MLLT1: variants seen among roughly 807,000 people sequenced by gnomAD.
The protein encoded by MLLT1 is protein ENL.
A neutral mutation model predicts 55.1 loss-of-function variants in MLLT1; 11 were observed. The ratio of observed to expected loss-of-function variants is 0.20; its 90% CI spans 0.13 to 0.33. The LOEUF is 0.33. Among genes scored for constraint, MLLT1 ranks in the 10% least tolerant of loss-of-function variants. The probability of loss-of-function intolerance (pLI) is 1.00; values close to 1 mark genes in which losing one functional copy is unlikely to be tolerated. For synonymous variants in MLLT1, 323 were observed against 320.1 expected, an observed-to-expected ratio of 1.01 and a Z score of -0.10; for missense variants, 536 against 760.6, an observed-to-expected ratio of 0.70 and a Z score of 3.47.
chr19:6,212,488 A>G lies in MLLT1; in HGVS notation c.*554T>C, dbSNP rs1166424681. The G allele has an allele frequency of 3.0e-5, 32 of 1,066,866 alleles. No individual in the cohort carries two copies. The highest frequency in any genetic ancestry group is 3.3e-5 in the Non-Finnish European group (29 of 880,638). The allele number at this position is 1,066,866 out of a possible 1,614,324, so 66.1% of individuals were successfully genotyped here. ...TCTTGACCAGACAGTGCACACACAT[A>G]TATAATAGAGAGAACTATACAGCAC... On this transcript the variant is annotated 3_prime_UTR_variant, in exon 12 of 12. Transcript: ENST00000252674.
In MLLT1 at chr19:6,221,208, CCT is replaced by C. The variant is rs371159870; in HGVS notation, c.1110+911_1110+912del. ...GGGCAAGCCGGACCCACAAAAGGCC[CCT>C]GAGGGCTGGGGCTGGCAACAGAGGT... On this transcript the variant is annotated intron_variant, in intron 6 of 11. Transcript: ENST00000252674. Among the ~76,000 whole-genome samples the C allele has an allele frequency of 1.5e-3, 234 of 152,328 alleles. 2 individuals are homozygous for C. Among genetic ancestry groups the C allele is most frequent in the African/African-American group, 5.2e-3 (216 of 41,578 alleles).
Position 6,235,504 on chromosome 19 carries a change from CA to C in MLLT1, c.277-4792del, listed in dbSNP as rs2091051896. On this transcript the variant is annotated intron_variant, in intron 3 of 11. Coordinates refer to ENST00000252674, the MANE Select transcript of MLLT1 (RefSeq NM_005934.4). This position sits in a 1 kb window ranked among gnomAD's most constrained non-coding sequence, Gnocchi z 5.5. ...CTGGGGAGGCGCAGCCAGACGGTAC[CA>C]AAGCACTGGGATGCCCCAGGGACGC... Among the ~76,000 whole-genome samples, 1 of 152,208 alleles carries C rather than the reference CA, an allele frequency of 6.6e-6. No homozygotes were observed. Among genetic ancestry groups the C allele is most frequent in the South Asian group, 2.1e-4 (1 of 4,838 alleles).
intron 7 of MLLT1, among the ~76,000 whole-genome samples, chr19:6,217,716 C>T (rs1039139638): frequency 3.3e-5 from 5 of 152,186 alleles, no homozygotes; most frequent in African/African-American, 1.2e-4. Context: ...GCTCCAGGCA[C>T]GGGGTGCATG....
intron 6 of MLLT1, among the ~76,000 whole-genome samples, chr19:6,220,644 T>C (rs911158005): frequency 6.6e-6 from 1 of 152,232 alleles, no homozygotes; most frequent in Non-Finnish European, 1.5e-5. Flanking sequence ...GCCTTGCCGC[T>C]GCCCAGCGTG....
At position 6,266,096 on chromosome 19, in the gene MLLT1, T is replaced by C. The variant is rs552047214; in HGVS notation, c.194-3786A>G. 3.3e-5 allele frequency among the ~76,000 whole-genome samples: 5 copies of C among 151,918 alleles called. No homozygotes were observed. The South Asian group carries it at 6.2e-4, about 19-fold the overall frequency. ...GAGTTCAAGACCAACTTGGGCAACATGGTGAAATCCCGTCTCTGCAAAAAA... is the reference window on the plus strand; with the variant it reads ...GAGTTCAAGACCAACTTGGGCAACACGGTGAAATCCCGTCTCTGCAAAAAA... On this transcript the variant is annotated intron_variant, in intron 2 of 11. Transcript: ENST00000252674.
chr19:6,219,204 G>A lies in MLLT1; in HGVS notation c.1111-1163C>T, dbSNP rs943712871. On this transcript the variant is annotated intron_variant, in intron 6 of 11. Transcript: ENST00000252674. This position sits in a 1 kb window ranked among gnomAD's most constrained non-coding sequence, Gnocchi z 4.5. ...TCCAGACTCACCCGTGCCTGAGAGG[G>A]AAGAGGGACTTCCCAAGGGTTTACT... 6.6e-6 allele frequency among the ~76,000 whole-genome samples: 1 copy of A among 152,112 alleles called. No individual in the cohort carries two copies. The highest frequency in any genetic ancestry group is 2.4e-5 in the African/African-American group (1 of 41,414).
chr19:6,216,321 C>T (rs572927657), intron 8 of MLLT1, 84 bp downstream of exon 8: 1 of 1,023,748 alleles, frequency 9.8e-7, no homozygotes, highest in Admixed American at 2.1e-5. Context: ...CCCAACCCCA[C>T]CTGCAGCCCC....
intron 3 of MLLT1, among the ~76,000 whole-genome samples, chr19:6,236,787 CCT>C (rs1186400180): frequency 3.9e-5 from 6 of 152,210 alleles, no homozygotes; most frequent in African/African-American, 1.4e-4. Context: ...CCTTCATGCC[CCT>C]GAGGCCTGGC....
At chr19:6,239,807 C>T (rs942941072) in intron 3 of MLLT1, among the ~76,000 whole-genome samples, 12 of 152,334 alleles carry the variant, frequency 7.9e-5, no homozygotes, top group African/African-American at 2.6e-4. Flanking sequence ...TACACACTCA[C>T]ATGCACACTC....
Position 6,270,095 on chromosome 19 carries a change from C to T in MLLT1, c.193+484G>A, listed in dbSNP as rs1342764844. ...CCCACGCCACAGGTGGAGACGCTGA[C>T]AGAATACACGACTGAGGCACTCGTG... On this transcript the variant is annotated intron_variant, in intron 2 of 11. Coordinates refer to ENST00000252674, the MANE Select transcript of MLLT1 (RefSeq NM_005934.4). This position sits in a 1 kb window ranked among gnomAD's most constrained non-coding sequence, Gnocchi z 7.1. 6.6e-6 allele frequency among the ~76,000 whole-genome samples: 1 copy of T among 151,820 alleles called. No homozygotes were observed. Among genetic ancestry groups the T allele is most frequent in the Non-Finnish European group, 1.5e-5 (1 of 67,934 alleles).
Position 6,213,138 on chromosome 19 carries a change from G to A in MLLT1, c.1584C>T (p.Phe528=). The A allele has an allele frequency of 6.2e-7, 1 of 1,613,990 alleles. No homozygotes were observed. The highest frequency in any genetic ancestry group is 2.2e-5 in the East Asian group (1 of 44,868). ...AGTCGAAGGTGGTGTTGGTGACATT[G>A]AAGTGGCCAGTCTCCTCGATCAGAT... ...IVNLIEETGH[F]NVTNTTFDFD... Residue 528 remains phenylalanine (F), a synonymous_variant, in exon 12 of 12, where the codon TTC becomes TTT. Coordinates refer to ENST00000252674, the MANE Select transcript of MLLT1 (RefSeq NM_005934.4).
chr19:6,235,560 G>A lies in MLLT1; in HGVS notation c.277-4847C>T, dbSNP rs2091052430. Among the ~76,000 whole-genome samples, 1 of 152,128 alleles carries A rather than the reference G, an allele frequency of 6.6e-6. No individual in the cohort carries two copies. The highest frequency in any genetic ancestry group is 2.1e-4 in the South Asian group (1 of 4,828). On this transcript the variant is annotated intron_variant, in intron 3 of 11. Coordinates refer to ENST00000252674, the MANE Select transcript of MLLT1 (RefSeq NM_005934.4). The surrounding 1 kb of genome is among the most constrained non-coding windows in gnomAD (Gnocchi z 5.5). ...TAGCTCTGCCCACTGCCTGGCACAG[G>A]GCACCCTGGGGCTCGGAACTGGGTC...
intron 3 of MLLT1, among the ~76,000 whole-genome samples, chr19:6,248,490 T>C (rs1390226858): frequency 6.6e-6 from 1 of 152,216 alleles, no homozygotes; most frequent in Non-Finnish European, 1.5e-5. Flanking sequence ...CCATGGATCA[T>C]GTTAATATCT....
At chr19:6,279,354 G>A (rs1016268801) in intron 1 of MLLT1, among the ~76,000 whole-genome samples, 2 of 152,132 alleles carry the variant, frequency 1.3e-5, no homozygotes, top group Non-Finnish European at 1.5e-5. Flanking sequence ...GGTCTGAACA[G>A]GGCCCAGATC....
In MLLT1 at chr19:6,235,756, GCT is replaced by G. The variant is rs2091054974; in HGVS notation, c.277-5045_277-5044del. On this transcript the variant is annotated intron_variant, in intron 3 of 11. Coordinates refer to ENST00000252674, the MANE Select transcript of MLLT1 (RefSeq NM_005934.4). This position sits in a 1 kb window ranked among gnomAD's most constrained non-coding sequence, Gnocchi z 5.5. ...GGCACGGTATCTCCATGGGCTCAGG[GCT>G]CACCCTAGCCCACCAATGGCCTCGA... 6.6e-6 allele frequency among the ~76,000 whole-genome samples: 1 copy of G among 152,136 alleles called. No homozygotes were observed. The highest frequency in any genetic ancestry group is 2.1e-4 in the South Asian group (1 of 4,824).
intron 3 of MLLT1, among the ~76,000 whole-genome samples, chr19:6,258,628 C>T (rs1327979826): frequency 1.3e-5 from 2 of 152,196 alleles, no homozygotes; most frequent in African/African-American, 4.8e-5. Flanking sequence ...CGTTCTAATG[C>T]CTAACACTGC....
chr19:6,257,587 G>C (rs2091268266), intron 3 of MLLT1, among the ~76,000 whole-genome samples: 1 of 152,202 alleles, frequency 6.6e-6, no homozygotes, highest in Admixed American at 6.5e-5. Flanking sequence ...GATCACTTGA[G>C]ATTGGGAGTT....
chr19:6,250,448 T>C (rs1258051769), intron 3 of MLLT1, among the ~76,000 whole-genome samples: 2 of 152,202 alleles, frequency 1.3e-5, no homozygotes, highest in Non-Finnish European at 2.9e-5. Context: ...CTGTGAGGGA[T>C]TGGTTCCAGG....
At chr19:6,245,892 C>A (rs2144908716) in intron 3 of MLLT1, among the ~76,000 whole-genome samples, 1 of 151,936 alleles carries the variant, frequency 6.6e-6, no homozygotes, top group South Asian at 2.1e-4. Context: ...CACAGTAAGG[C>A]CCTGTCTCAA....
Sources: gnomAD v4.1 joint callset for allele counts (sites outside exome capture counted in the v4.1 genomes callset) on GRCh38, gnomAD v4.1.1 for gene constraint, Gnocchi (gnomAD v3.1) non-coding constraint, MANE v1.5 for transcripts, NCBI Gene and HGNC (gene_info 2026-07-23, HGNC 2026-07-21) for gene names.